PLS1: variants seen among roughly 807,000 people sequenced by gnomAD.
PLS1 encodes the protein plastin 1.
In PLS1, 32 loss-of-function variants were observed where a neutral mutation model predicts 73.7. The ratio of observed to expected loss-of-function variants is 0.43; its 90% confidence interval spans 0.33 to 0.58. PLS1 has a LOEUF of 0.58. Among genes scored for constraint, PLS1 ranks in the 20% least tolerant of loss-of-function variants. PLS1 has a pLI of 0.04. For missense variants in PLS1, 633 were observed against 740.5 expected (o/e 0.85, Z 1.68); for synonymous variants, 217 against 261.3 (o/e 0.83, Z 1.63).
At chr3:142,602,418 G>A (rs2035943135) in intron 1 of PLS1, among the ~76,000 whole-genome samples, 1 of 152,070 alleles carries the variant, frequency 6.6e-6, no homozygotes, top group South Asian at 2.1e-4. Flanking sequence ...GAATATCTAT[G>A]GATCATGACT....
Position 142,697,999 on chromosome 3 carries a change from C to T in PLS1, c.1303C>T (p.Arg435Ter), listed in dbSNP as rs747913848. 6 of 1,613,458 alleles carry T rather than the reference C, an allele frequency of 3.7e-6. No homozygotes were observed. Among genetic ancestry groups the T allele is most frequent in the South Asian group, 1.1e-5 (1 of 91,056 alleles). Residue 435 changes from arginine to a stop codon, truncating the protein, a stop_gained, in exon 12 of 16, where the codon CGA becomes TGA. Transcript: ENST00000457734. LOFTEE classifies it high-confidence loss of function. ...LVIFQLYEMI[R>*]VPVNWSHVNK... ...GATCTTTCAGCTCTATGAGATGATC[C>T]GAGTGCCAGTCAACTGGAGCCATGT...
rs374767053 is a variant in PLS1 at position 142,629,957 on chromosome 3, TCTC to T, written c.-37+33451_-37+33453del. 1.1e-4 allele frequency among the ~76,000 whole-genome samples: 16 copies of T among 152,246 alleles called. No individual in the cohort carries two copies. In the East Asian group the frequency reaches 2.7e-3, roughly 26 times the overall value. ...AGATGTCCTCTGGGGATCATAGTCA[TCTC>T]CTGTTGAGAATCAGAGCCCTAAACT... On this transcript the variant is annotated intron_variant, in intron 1 of 15. Transcript: ENST00000457734.
intron 1 of PLS1, among the ~76,000 whole-genome samples, chr3:142,630,058 A>G (rs768519779): frequency 1.3e-5 from 2 of 152,194 alleles, no homozygotes; most frequent in African/African-American, 2.4e-5. Context: ...CAAGTAATTT[A>G]ACTGCATCCA....
intron 1 of PLS1, among the ~76,000 whole-genome samples, chr3:142,639,028 A>G (rs1290118677): frequency 6.6e-6 from 1 of 152,168 alleles, no homozygotes; most frequent in Non-Finnish European, 1.5e-5. Flanking sequence ...GGTGTGAGCC[A>G]CCACAGCTGG....
chr3:142,608,639 T>C (rs1245623927), intron 1 of PLS1, among the ~76,000 whole-genome samples: 3 of 152,096 alleles, frequency 2.0e-5, no homozygotes, highest in African/African-American at 7.2e-5. Context: ...GAGTTTCCAG[T>C]GGTTTTAAAT....
At chr3:142,707,122 G>C (rs1435088995) in intron 14 of PLS1, among the ~76,000 whole-genome samples, 1 of 152,200 alleles carries the variant, frequency 6.6e-6, no homozygotes, top group Non-Finnish European at 1.5e-5. Flanking sequence ...CATCGCGAAA[G>C]TGCTTGGCAT....
chr3:142,712,151 C>T lies in PLS1; in HGVS notation c.*144C>T. 2.7e-6 allele frequency: 2 copies of T among 732,426 alleles called. No homozygotes were observed. Among genetic ancestry groups the T allele is most frequent in the Admixed American group, 2.6e-5 (1 of 38,298 alleles). 45.4% of individuals were successfully genotyped at this position (732,426 alleles called of 1,614,324 possible). A position where few individuals can be genotyped will look rare whatever the true frequency, so the allele number is the denominator to read the frequency against. On this transcript the variant is annotated 3_prime_UTR_variant, in exon 16 of 16. Transcript: ENST00000457734. ...TCATTAATGAATTCAATATCCTGTTCATACTAGTTAGAGCTGGTCAGCCTT... is the reference window on the plus strand; with the variant it reads ...TCATTAATGAATTCAATATCCTGTTTATACTAGTTAGAGCTGGTCAGCCTT...
rs781293007 is a variant in PLS1, at chr3:142,678,097, C to T, written c.563C>T (p.Thr188Met). Residue 188 changes from threonine to methionine, a missense_variant, in exon 6 of 16, where the codon ACG becomes ATG. Transcript: ENST00000457734. ...AGAGCCATCAATAAGAAAAAGCTCA[C>T]GCCATTCACTATTTCTGTAAGTATT... The part of the protein sequence containing the change: ...DERAINKKKL[T>M]PFTISENLNL... The T allele has an allele frequency of 2.9e-5, 44 of 1,525,388 alleles. No homozygotes were observed. The highest frequency in any genetic ancestry group is 4.9e-5 in the South Asian group (4 of 82,306). 94.5% of individuals were successfully genotyped at this position (1,525,388 alleles called of 1,614,324 possible).
chr3:142,629,253 A>G (rs535467615), intron 1 of PLS1, among the ~76,000 whole-genome samples: 3 of 151,230 alleles, frequency 2.0e-5, no homozygotes, highest in South Asian at 2.1e-4. Flanking sequence ...CTGGAGTGCA[A>G]TGGCGCGATC....
intron 12 of PLS1, among the ~76,000 whole-genome samples, chr3:142,701,833 C>G (rs1021232249): frequency 3.9e-5 from 6 of 152,146 alleles, no homozygotes; most frequent in Non-Finnish European, 8.8e-5. Flanking sequence ...TAAAATTCTC[C>G]CACTGAACTG....
intron 9 of PLS1, among the ~76,000 whole-genome samples, chr3:142,688,150 G>C (rs559554587): frequency 6.6e-5 from 10 of 152,022 alleles, no homozygotes; most frequent in Non-Finnish European, 1.5e-4. Flanking sequence ...GTTTCACCAT[G>C]TTGGCTAGGC....
chr3:142,632,426 T>G (rs2036584930), intron 1 of PLS1, among the ~76,000 whole-genome samples: 2 of 152,142 alleles, frequency 1.3e-5, no homozygotes, highest in Admixed American at 1.3e-4. Flanking sequence ...ATAGAAAATT[T>G]AAAAAGTGTT....
intron 1 of PLS1, among the ~76,000 whole-genome samples, chr3:142,646,826 G>A (rs1050456389): frequency 6.6e-6 from 1 of 152,176 alleles, no homozygotes; most frequent in Admixed American, 6.5e-5. Context: ...GTTGCTTATA[G>A]TGAAAATACC....
At chr3:142,671,238 TGAG>T (rs1366413029) in intron 4 of PLS1, 116 bp downstream of exon 4, 2 of 896,506 alleles carry the variant, frequency 2.2e-6, no homozygotes, top group African/African-American at 1.7e-5. Context: ...TATGTGCCAC[TGAG>T]GAGAAAAAAA....
In PLS1 at chr3:142,684,328, G is replaced by A. The variant is rs747027537; in HGVS notation, c.821G>A (p.Arg274Gln). ...MKLSPEELLLRWVNYHLTNAG... is the reference protein window; with the variant it reads ...MKLSPEELLLQWVNYHLTNAG... Reference sequence around the variant, plus strand: ...CTTTCTCCCGAGGAATTACTGCTGCGATGGGTGAACTACCATCTGACCAAT... The same window carrying A: ...CTTTCTCCCGAGGAATTACTGCTGCAATGGGTGAACTACCATCTGACCAAT... The change falls in exon 8 of 16, where the codon CGA becomes CAA. Residue 274 changes from arginine (R) to glutamine (Q), a missense_variant. Arg to Gln is a conservative substitution (Grantham distance 43, BLOSUM62 1). Coordinates refer to ENST00000457734, the MANE Select transcript of PLS1 (RefSeq NM_001145319.2). The A allele has an allele frequency of 2.5e-5, 41 of 1,613,646 alleles. No homozygotes were observed. Among genetic ancestry groups the A allele is most frequent in the Admixed American group, 5.0e-5 (3 of 60,004 alleles).
At chr3:142,618,631 T>C (rs892349918) in intron 1 of PLS1, among the ~76,000 whole-genome samples, 2 of 152,156 alleles carry the variant, frequency 1.3e-5, no homozygotes, top group African/African-American at 4.8e-5. Context: ...TGGAAGGCCA[T>C]CCCCAGCTTC....
intron 12 of PLS1, among the ~76,000 whole-genome samples, chr3:142,700,529 T>A (rs983145648): frequency 2.0e-5 from 3 of 152,182 alleles, no homozygotes; most frequent in Admixed American, 2.0e-4. Flanking sequence ...TTCACCGTGT[T>A]AGCCAGGATG....
rs539887227 is a variant in PLS1 at position 142,676,403 on chromosome 3, G to A, written c.497+114G>A. 3 of 953,728 alleles carry A rather than the reference G, an allele frequency of 3.1e-6. No homozygotes were observed. In the South Asian group the frequency reaches 5.1e-5, roughly 16 times the overall value. 59.1% of individuals were successfully genotyped at this position (953,728 alleles called of 1,614,324 possible). A position where few individuals can be genotyped will look rare whatever the true frequency, so the allele number is the denominator to read the frequency against. The stretch of plus-strand genomic sequence containing the variant: ...TCTTTTGGAGTCAGTAGCTACTTAG[G>A]TCATGAGGAATTTATATTGCATAGA... On this transcript the variant is annotated intron_variant, in intron 5 of 15. Coordinates refer to ENST00000457734, the MANE Select transcript of PLS1 (RefSeq NM_001145319.2).
At chr3:142,678,343 A>T (rs1353515680) in intron 6 of PLS1, among the ~76,000 whole-genome samples, 1 of 150,580 alleles carries the variant, frequency 6.6e-6, no homozygotes, top group African/African-American at 2.4e-5. Flanking sequence ...ACATATGTAT[A>T]CATGTGCCAT....
Sources: allele counts gnomAD v4.1 joint callset (sites outside exome capture counted in the v4.1 genomes callset), GRCh38; gene constraint gnomAD v4.1.1; transcripts MANE v1.5; gene names NCBI Gene and HGNC (gene_info 2026-07-23, HGNC 2026-07-21).